SH3GL3: variants seen among roughly 807,000 people sequenced by gnomAD.
The protein encoded by SH3GL3 is SH3 domain containing GRB2 like 3, endophilin A3.
SH3GL3 carries 33 observed loss-of-function variants against 47.7 expected under a neutral mutation model. That is an observed-to-expected ratio of 0.69 (90% CI 0.52 to 0.92). The LOEUF (loss-of-function observed/expected upper bound fraction) is 0.92. Among genes scored for constraint, SH3GL3 ranks in the 40% least tolerant of loss-of-function variants. The pLI is 0.00. For synonymous variants in SH3GL3, 155 were observed against 148.8 expected (o/e 1.04, Z -0.30); for missense variants, 363 against 417.8 (o/e 0.87, Z 1.14).
intron 1 of SH3GL3, among the ~76,000 whole-genome samples, chr15:83,511,555 A>G (rs902779596): frequency 1.3e-5 from 2 of 152,236 alleles, no homozygotes; most frequent in Non-Finnish European, 2.9e-5. Flanking sequence ...TCCTGGGGAA[A>G]TGAAAAAAGT....
At chr15:83,479,068 T>C (rs1316720929) in intron 1 of SH3GL3, among the ~76,000 whole-genome samples, 1 of 152,200 alleles carries the variant, frequency 6.6e-6, no homozygotes, top group Non-Finnish European at 1.5e-5. Flanking sequence ...CCCTCCATGA[T>C]ATCACACATT....
At chr15:83,581,834 A>G (rs894789153) in intron 6 of SH3GL3, among the ~76,000 whole-genome samples, 1 of 152,336 alleles carries the variant, frequency 6.6e-6, no homozygotes, top group East Asian at 1.9e-4. Context: ...TGTCTTGTGA[A>G]TGGGAGCTGG....
chr15:83,518,042 G>A (rs1481547725), intron 1 of SH3GL3, among the ~76,000 whole-genome samples: 3 of 152,078 alleles, frequency 2.0e-5, no homozygotes, highest in Non-Finnish European at 4.4e-5. Flanking sequence ...TAAGATAATG[G>A]CCTCTAGCTG....
intron 1 of SH3GL3, among the ~76,000 whole-genome samples, chr15:83,457,282 A>G (rs1181818427): frequency 6.6e-6 from 1 of 152,140 alleles, no homozygotes; most frequent in Non-Finnish European, 1.5e-5. Context: ...CTAACCATCT[A>G]CTGATGACAC....
In SH3GL3 at chr15:83,499,423, AT is replaced by A. The variant is rs1239125463; in HGVS notation, c.45+51846del. ...AAAAAAAAAAAAAAGAAAGGCACTT[AT>A]CTTTGAACAGTGTTTAATTTATAAA... On this transcript the variant is annotated intron_variant, in intron 1 of 8. Coordinates refer to ENST00000427482, the MANE Select transcript of SH3GL3 (RefSeq NM_003027.5). Among the ~76,000 whole-genome samples the A allele has an allele frequency of 4.6e-5, 7 of 150,636 alleles. No individual in the cohort carries two copies. The East Asian group carries it at 1.4e-3, about 29-fold the overall frequency.
chr15:83,467,650 G>A (rs1472645939), intron 1 of SH3GL3, among the ~76,000 whole-genome samples: 7 of 152,132 alleles, frequency 4.6e-5, no homozygotes, highest in Admixed American at 4.6e-4. Flanking sequence ...GTTTCCTGTT[G>A]TAAGTCTTCT....
At chr15:83,496,582 G>A (rs147386487) in intron 1 of SH3GL3, among the ~76,000 whole-genome samples, 292 of 152,184 alleles carry the variant, frequency 1.9e-3, no homozygotes, top group African/African-American at 6.7e-3. Context: ...GGTGTTACAT[G>A]TCACTCTTGT....
intron 1 of SH3GL3, among the ~76,000 whole-genome samples, chr15:83,555,369 T>C (rs912862525): frequency 1.3e-5 from 2 of 152,244 alleles, no homozygotes; most frequent in African/African-American, 4.8e-5. Context: ...ATTCATGTTA[T>C]GTTATGTGAT....
intron 5 of SH3GL3, among the ~76,000 whole-genome samples, chr15:83,575,201 G>A (rs2059641913): frequency 1.3e-5 from 2 of 152,230 alleles, no homozygotes; most frequent in African/African-American, 2.4e-5. Flanking sequence ...CAAATGCACA[G>A]TTGTAAAACC....
intron 1 of SH3GL3, among the ~76,000 whole-genome samples, chr15:83,503,208 T>C (rs762319850): frequency 8.5e-5 from 13 of 152,050 alleles, no homozygotes; most frequent in Admixed American, 3.3e-4. Context: ...CCAGCAAAAC[T>C]GTTATCCACA....
chr15:83,566,551 G>T (rs1474779857), intron 3 of SH3GL3, among the ~76,000 whole-genome samples: 1 of 152,236 alleles, frequency 6.6e-6, no homozygotes, highest in Non-Finnish European at 1.5e-5. Flanking sequence ...AAGGCATGAT[G>T]ATTGCTTGAA....
At chr15:83,581,521 A>G (rs1322612701) in intron 6 of SH3GL3, among the ~76,000 whole-genome samples, 1 of 152,196 alleles carries the variant, frequency 6.6e-6, no homozygotes, top group African/African-American at 2.4e-5. Context: ...AAGCCAGATG[A>G]CACACGATCT....
At chr15:83,561,961 C>G (rs983208976) in intron 2 of SH3GL3, among the ~76,000 whole-genome samples, 1 of 151,646 alleles carries the variant, frequency 6.6e-6, no homozygotes, top group East Asian at 1.9e-4. Context: ...CTGCTTCCCT[C>G]TATTTTTCTT....
chr15:83,513,161 C>G (rs991547724), intron 1 of SH3GL3, among the ~76,000 whole-genome samples: 1 of 152,192 alleles, frequency 6.6e-6, no homozygotes, highest in African/African-American at 2.4e-5. Flanking sequence ...GCATTAATCA[C>G]AGCATGGAGC....
In SH3GL3 at chr15:83,480,167, C is replaced by T. The variant is rs562314986; in HGVS notation, c.45+32589C>T. 7.2e-5 allele frequency among the ~76,000 whole-genome samples: 11 copies of T among 152,214 alleles called. No homozygotes were observed. In the East Asian group the frequency reaches 9.6e-4, roughly 13 times the overall value. On this transcript the variant is annotated intron_variant, in intron 1 of 8. Coordinates refer to ENST00000427482, the MANE Select transcript of SH3GL3 (RefSeq NM_003027.5). ...TATTTGAAAACTGTTACAACAAAAA[C>T]GCAATCTGTTTTAGGGTTAAAAAAA...
chr15:83,519,588 G>A (rs775397436), intron 1 of SH3GL3, among the ~76,000 whole-genome samples: 2 of 152,122 alleles, frequency 1.3e-5, no homozygotes, highest in Non-Finnish European at 2.9e-5. Flanking sequence ...GGTTTTCTAG[G>A]TATAGAATCA....
intron 8 of SH3GL3, among the ~76,000 whole-genome samples, chr15:83,614,725 A>T (rs1242964287): frequency 6.6e-6 from 1 of 152,216 alleles, no homozygotes; most frequent in Non-Finnish European, 1.5e-5. Flanking sequence ...AGCTCCGCTG[A>T]TGAAGGCTCC....
intron 8 of SH3GL3, among the ~76,000 whole-genome samples, chr15:83,611,170 C>T (rs965647196): frequency 9.2e-5 from 14 of 151,604 alleles, no homozygotes; most frequent in Non-Finnish European, 5.9e-5. Flanking sequence ...TCAGGGGGGA[C>T]GTGGTTTTCC....
intron 6 of SH3GL3, 23 bp downstream of exon 6, chr15:83,576,764 A>G: frequency 1.3e-6 from 2 of 1,493,512 alleles, no homozygotes; most frequent in Non-Finnish European, 1.8e-6. Context: ...ACCAAATAGG[A>G]GATTTTAATG....
Sources: gnomAD v4.1 joint callset for allele counts (sites outside exome capture counted in the v4.1 genomes callset) on GRCh38, gnomAD v4.1.1 for gene constraint, MANE v1.5 for transcripts, NCBI Gene and HGNC (gene_info 2026-07-23, HGNC 2026-07-21) for gene names.